Variants in OR3A2 observed in about 807,000 individuals in gnomAD.
OR3A2 encodes olfactory receptor family 3 subfamily A member 2.
For synonymous variants in OR3A2, 126 were observed against 159.3 expected, an observed-to-expected ratio of 0.79 and a Z score of 1.57; for missense variants, 318 against 392.8, an observed-to-expected ratio of 0.81 and a Z score of 1.61.
At chr17:3,347,452 T>A (rs1167205227) in intron 2 of OR3A2, among the ~76,000 whole-genome samples, 2 of 152,178 alleles carry the variant, frequency 1.3e-5, no homozygotes, top group African/African-American at 2.4e-5. Context: ...TGTCCATGTG[T>A]TCTCATAGTT....
chr17:3,280,524 G>A (rs536714820), intron 1 of OR3A2, among the ~76,000 whole-genome samples: 13 of 152,058 alleles, frequency 8.5e-5, no homozygotes, highest in Middle Eastern at 3.4e-3. Flanking sequence ...CGCCCGCCTC[G>A]GCCTCCCAAA....
exon 2 of OR3A2, chr17:3,277,264 AG>A (rs1411085452): frequency 6.6e-6 from 1 of 152,228 alleles, no homozygotes; most frequent in Non-Finnish European, 1.5e-5. Context: ...AGCGGAGAGA[AG>A]AAAATGAAGG....
upstream of OR3A2, among the ~76,000 whole-genome samples, chr17:3,287,134 T>G (rs1374269795): frequency 6.6e-6 from 1 of 152,200 alleles, no homozygotes; most frequent in Non-Finnish European, 1.5e-5. Context: ...GAATCTACTT[T>G]ATATGGTAAA....
At chr17:3,380,558 G>A (rs750930217) in intron 2 of OR3A2, among the ~76,000 whole-genome samples, 3 of 152,168 alleles carry the variant, frequency 2.0e-5, no homozygotes, top group Admixed American at 6.5e-5. Flanking sequence ...TCAAGTACCT[G>A]CCTGGCATGG....
intron 3 of OR3A2, among the ~76,000 whole-genome samples, chr17:3,321,595 G>A (rs1341757664): frequency 6.6e-6 from 1 of 152,158 alleles, no homozygotes; most frequent in Non-Finnish European, 1.5e-5. Flanking sequence ...ATGAAGCGTT[G>A]TTGAATTTTG....
rs199938715 is a variant in OR3A2, at chr17:3,349,543, T to A, written c.-178-13417A>T. 2.0e-5 allele frequency among the ~76,000 whole-genome samples: 3 copies of A among 151,910 alleles called. No individual in the cohort carries two copies. In the South Asian group the frequency reaches 6.3e-4, roughly 32 times the overall value. On this transcript the variant is annotated intron_variant, in intron 2 of 4. Transcript: ENST00000573491. ...CCAAATTCATACAGCAAGTCCTGAG[T>A]GATCTACAAAGAGACTTAGACTCCC...
At chr17:3,321,022 G>T (rs1391304325) in intron 3 of OR3A2, among the ~76,000 whole-genome samples, 4 of 152,062 alleles carry the variant, frequency 2.6e-5, no homozygotes, top group Admixed American at 1.3e-4. Flanking sequence ...CATGGAATGT[G>T]TTTCCATTTC....
chr17:3,360,646 T>C (rs2049505350), intron 2 of OR3A2, among the ~76,000 whole-genome samples: 1 of 151,766 alleles, frequency 6.6e-6, no homozygotes, highest in Non-Finnish European at 1.5e-5. Flanking sequence ...GGCTAGCCAG[T>C]TTTCCCAGCA....
chr17:3,319,094 A>C (rs575689483), intron 3 of OR3A2, among the ~76,000 whole-genome samples: 1 of 152,336 alleles, frequency 6.6e-6, no homozygotes. Flanking sequence ...ATAAATGATA[A>C]GTAGTCCATA....
chr17:3,372,241 ATGCTCCTCACTTCCTAGATGGGATGG>A (rs1422178157), intron 2 of OR3A2, among the ~76,000 whole-genome samples: 2 of 146,220 alleles, frequency 1.4e-5, no homozygotes, highest in South Asian at 2.3e-4. Flanking sequence ...CCGGGCAGAG[ATGCTCCTCACTTCCTAGATGGGATGG>A]CGGCCGGGAA....
intron 1 of OR3A2, among the ~76,000 whole-genome samples, chr17:3,281,912 G>GTA (rs2048779073): frequency 6.6e-6 from 1 of 152,104 alleles, no homozygotes; most frequent in Non-Finnish European, 1.5e-5. Flanking sequence ...TTAATTGGTG[G>GTA]TACCTGGGTA....
intron 2 of OR3A2, among the ~76,000 whole-genome samples, chr17:3,342,863 G>C (rs1172734541): frequency 6.6e-6 from 1 of 152,214 alleles, no homozygotes; most frequent in African/African-American, 2.4e-5. Flanking sequence ...GCTGCCTTTT[G>C]TTCAGCTATG....
At chr17:3,331,700 C>G (rs1194435268) in intron 3 of OR3A2, among the ~76,000 whole-genome samples, 1 of 151,730 alleles carries the variant, frequency 6.6e-6, no homozygotes, top group South Asian at 2.1e-4. Context: ...AGTCTGAAGC[C>G]TTCTTCTCTC....
At position 3,303,689 on chromosome 17, in the gene OR3A2, G is replaced by A. The variant is rs183601659; in HGVS notation, c.-84-24536C>T. Among the ~76,000 whole-genome samples the A allele has an allele frequency of 3.3e-4, 49 of 147,716 alleles. No homozygotes were observed. In the East Asian group the frequency reaches 8.3e-3, roughly 25 times the overall value. ...GAACACGGAAGGCAGAGGCTGCAGT[G>A]AGTCAAGATCACACCACTGCACTCC... On this transcript the variant is annotated intron_variant, in intron 3 of 4. Coordinates refer to the OR3A2 transcript ENST00000573491.
At chr17:3,316,249 C>T (rs2049081878) in intron 3 of OR3A2, among the ~76,000 whole-genome samples, 1 of 152,150 alleles carries the variant, frequency 6.6e-6, no homozygotes, top group African/African-American at 2.4e-5. Flanking sequence ...AAATTTTTGC[C>T]CAGCCATCCT....
intron 3 of OR3A2, among the ~76,000 whole-genome samples, chr17:3,334,110 T>A (rs1030702737): frequency 6.6e-6 from 1 of 152,150 alleles, no homozygotes; most frequent in Non-Finnish European, 1.5e-5. Context: ...AAACAACAGA[T>A]GCTGGCGAGG....
chr17:3,283,357 C>G (rs755185280), intron 1 of OR3A2, among the ~76,000 whole-genome samples: 7 of 152,092 alleles, frequency 4.6e-5, no homozygotes, highest in Non-Finnish European at 8.8e-5. Flanking sequence ...TTCTGAGTAG[C>G]TGGGATTACA....
intron 3 of OR3A2, chr17:3,292,700 T>C (rs1249977215): frequency 4.7e-6 from 4 of 859,590 alleles, no homozygotes; most frequent in African/African-American, 1.7e-5. Flanking sequence ...ACGTTCCCTC[T>C]GTACAAGTAA....
At chr17:3,334,081 C>T (rs190608499) in intron 3 of OR3A2, among the ~76,000 whole-genome samples, 3 of 152,226 alleles carry the variant, frequency 2.0e-5, no homozygotes, top group East Asian at 3.9e-4. Flanking sequence ...GTCAGAATGG[C>T]AATTACTAAA....
Sources: gnomAD v4.1 joint callset for allele counts (sites outside exome capture counted in the v4.1 genomes callset) on GRCh38, gnomAD v4.1.1 for gene constraint, MANE v1.5 for transcripts, NCBI Gene and HGNC (gene_info 2026-07-23, HGNC 2026-07-21) for gene names.